MDN1: variants seen among roughly 807,000 people sequenced by gnomAD.
The protein encoded by MDN1 is midasin AAA ATPase 1.
MDN1 carries 266 observed loss-of-function variants against 669.2 expected under a neutral mutation model. The observed-to-expected ratio is 0.40, with a 90% CI of 0.36 to 0.44. The LOEUF is 0.44. Ranked by LOEUF, MDN1 falls within the 20% of genes least tolerant of loss-of-function variation. The pLI, the probability that MDN1 is intolerant of heterozygous loss-of-function variation, is 1.00. For missense variants in MDN1, 5,940 were observed against 6,754.0 expected, an observed-to-expected ratio of 0.88 and a Z score of 4.22; for synonymous variants, 2,385 against 2,457.1, an observed-to-expected ratio of 0.97 and a Z score of 0.87.
intron 84 of MDN1, among the ~76,000 whole-genome samples, chr6:89,665,671 C>T (rs182830506): frequency 8.6e-5 from 12 of 139,818 alleles, no homozygotes; most frequent in Admixed American, 3.0e-4. Context: ...CATACTACTG[C>T]GCTCTAGCCT....
chr6:89,702,096 A>G (rs1205334826), intron 53 of MDN1, 35 bp from the exon 54 acceptor site: 1 of 1,555,926 alleles, frequency 6.4e-7, no homozygotes, highest in East Asian at 2.3e-5. Flanking sequence ...GATGGCATGA[A>G]GAAAGACTAA....
At position 89,718,510 on chromosome 6, in the gene MDN1, A is replaced by G; in HGVS notation, c.6439T>C (p.Trp2147Arg). The G allele has an allele frequency of 6.2e-7, 1 of 1,614,184 alleles. No homozygotes were observed. The highest frequency in any genetic ancestry group is 8.5e-7 in the Non-Finnish European group (1 of 1,180,032). The change falls in exon 43 of 102, where the codon TGG becomes CGG. Residue 2147 changes from tryptophan (W) to arginine (R), a missense_variant. This residue lies in a region of MDN1 where 2,292 missense variants were observed against 2,638.3 expected (regional missense o/e 0.87). Coordinates refer to ENST00000369393, the MANE Select transcript of MDN1 (RefSeq NM_014611.3). ...TTATATGTCAGAAGAAAATGACTCC[A>G]GGCTCGCAGCACTACTTCTGCATCA... The part of the protein sequence containing the change: ...ADDAEVVLRA[W>R]SHFLLTYKPK...
Position 89,701,944 on chromosome 6 carries a change from C to A in MDN1, c.8266G>T (p.Val2756Phe). Residue 2756 changes from valine to phenylalanine, a missense_variant, in exon 54 of 102, where the codon GTC (valine) becomes TTC (phenylalanine). Coordinates refer to ENST00000369393, the MANE Select transcript of MDN1 (RefSeq NM_014611.3). ...LHWHWVLKHLVHQIPRLLMNY... is the reference protein window; with the variant it reads ...LHWHWVLKHLFHQIPRLLMNY... The stretch of plus-strand genomic sequence containing the variant: ...ATCAGAAGTCGGGGGATCTGGTGGA[C>A]CAGATGTTTTAAAACCCAGTGCCAA... 1 of 1,613,666 alleles carries A rather than the reference C, an allele frequency of 6.2e-7. No individual in the cohort carries two copies. The highest frequency in any genetic ancestry group is 8.5e-7 in the Non-Finnish European group (1 of 1,179,772).
Position 89,793,974 on chromosome 6 carries a change from C to T in MDN1, c.663-20G>A, listed in dbSNP as rs372152623. 2.5e-5 allele frequency: 40 copies of T among 1,584,658 alleles called. No individual in the cohort carries two copies. The highest frequency in any genetic ancestry group is 4.0e-5 in the African/African-American group (3 of 74,148). ...AATAACCTGAGAGAAAGGAGAGTCT[C>T]GTCAATTACCTTACCACTCAGAAAT... On this transcript the variant is annotated intron_variant, in intron 4 of 101. Coordinates refer to ENST00000369393, the MANE Select transcript of MDN1 (RefSeq NM_014611.3).
chr6:89,783,349 C>T (rs1020699092), intron 9 of MDN1, among the ~76,000 whole-genome samples: 24 of 152,242 alleles, frequency 1.6e-4, no homozygotes, highest in African/African-American at 4.8e-4. Context: ...CCGAGATACA[C>T]CCTGGTCTCC....
In MDN1 at chr6:89,670,954, C is replaced by G. The variant is rs201091505; in HGVS notation, c.13921G>C (p.Val4641Leu). ...THRSTAKLLS[V>L]LAQVFTELAQ... ...AGCTCTGTAAAGACCTGGGCAAGCA[C>G]AGAGAGCAGCTTTGCAGTACTACGG... Residue 4641 changes from valine to leucine, a missense_variant, in exon 83 of 102, where the codon GTG becomes CTG. By Grantham distance (32) the Val-to-Leu change is conservative. This residue lies in a region of MDN1 where 2,280 missense variants were observed against 2,576.3 expected (regional missense o/e 0.88). Transcript: ENST00000369393. The G allele has an allele frequency of 1.2e-5, 20 of 1,614,140 alleles. No homozygotes were observed. In the Admixed American group the frequency reaches 2.7e-4, roughly 22 times the overall value.
At chr6:89,756,583 C>T (rs1817257705) in intron 19 of MDN1, among the ~76,000 whole-genome samples, 193 bp from the exon 20 acceptor site, 1 of 152,160 alleles carries the variant, frequency 6.6e-6, no homozygotes, top group African/African-American at 2.4e-5. Flanking sequence ...ACCATTATTG[C>T]TTCTTCTATG....
intron 62 of MDN1, among the ~76,000 whole-genome samples, chr6:89,693,403 G>A (rs909592345): frequency 6.6e-6 from 1 of 152,140 alleles, no homozygotes; most frequent in Non-Finnish European, 1.5e-5. Flanking sequence ...ACTCACTGGA[G>A]TAGATAACTA....
intron 53 of MDN1, among the ~76,000 whole-genome samples, chr6:89,705,449 A>G (rs1026163303): frequency 6.6e-6 from 1 of 152,202 alleles, no homozygotes; most frequent in Non-Finnish European, 1.5e-5. Flanking sequence ...CACATGTGAC[A>G]ATAATGTCTA....
rs201300780 is a variant in MDN1, at chr6:89,722,973, G to A, written c.5949C>T (p.Thr1983=). 3.5e-5 allele frequency: 57 copies of A among 1,605,926 alleles called. No individual in the cohort carries two copies. Among genetic ancestry groups the A allele is most frequent in the Non-Finnish European group, 4.3e-5 (51 of 1,177,048 alleles). The change falls in exon 40 of 102, where the codon ACC becomes ACT. Residue 1983 remains threonine (T), a synonymous_variant. Coordinates refer to ENST00000369393, the MANE Select transcript of MDN1 (RefSeq NM_014611.3). ...VFLVYGERMR[T]EEDKKKVIAV... ...AACTCACCTTTTTTTTGTCCTCTTC[G>A]GTTCTCATTCTTTCACCATAGACCA...
intron 84 of MDN1, 33 bp from the exon 85 acceptor site, chr6:89,664,661 A>G: frequency 6.5e-7 from 1 of 1,545,112 alleles, no homozygotes; most frequent in African/African-American, 1.4e-5. Context: ...TAAATAAATG[A>G]AACTTTACCA....
chr6:89,781,301 A>G, intron 10 of MDN1, 98 bp downstream of exon 10: 1 of 1,247,758 alleles, frequency 8.0e-7, no homozygotes. Context: ...GAGTGAGCCA[A>G]AACTGCACCA....
At position 89,696,506 on chromosome 6, in the gene MDN1, T is replaced by C; in HGVS notation, c.9237A>G (p.Arg3079=). 6.2e-7 allele frequency: 1 copy of C among 1,614,184 alleles called. No homozygotes were observed. The highest frequency in any genetic ancestry group is 8.5e-7 in the Non-Finnish European group (1 of 1,180,020). The stretch of plus-strand genomic sequence containing the variant: ...GGCCACTCACATCCCAGGGACTTGC[T>C]CTCCAGCTGCTGGTTAAGACTTCAA... The part of the protein sequence containing the change: ...CCFEVLTSSW[R]ASPWDVSGLP... The change falls in exon 60 of 102, where the codon AGA becomes AGG. Residue 3079 remains arginine, a synonymous_variant. Coordinates refer to ENST00000369393, the MANE Select transcript of MDN1 (RefSeq NM_014611.3).
chr6:89,672,766 C>T, intron 80 of MDN1, 64 bp from the exon 81 acceptor site: 2 of 1,526,340 alleles, frequency 1.3e-6, no homozygotes, highest in Non-Finnish European at 1.8e-6. Flanking sequence ...TGCTTTAGTG[C>T]CTCTGGAAAT....
At chr6:89,793,701 C>T in intron 5 of MDN1, 61 bp downstream of exon 5, 4 of 1,404,232 alleles carry the variant, frequency 2.8e-6, no homozygotes. Flanking sequence ...CAGCCAAAGA[C>T]AGAGCACACT....
intron 83 of MDN1, among the ~76,000 whole-genome samples, chr6:89,669,746 C>T (rs911237079): frequency 2.6e-5 from 4 of 151,926 alleles, no homozygotes; most frequent in East Asian, 3.9e-4. Context: ...TAAGAGAGAC[C>T]GAGAGCTGGA....
At chr6:89,656,089 GAATTC>G (rs1809266263) in intron 91 of MDN1, 121 bp from the exon 92 acceptor site, 6 of 813,246 alleles carry the variant, frequency 7.4e-6, no homozygotes, top group Non-Finnish European at 1.1e-5. Flanking sequence ...TACAAGAATG[GAATTC>G]AATACAGCTA....
chr6:89,696,141 G>T, intron 60 of MDN1, 149 bp from the exon 61 acceptor site: 1 of 1,231,554 alleles, frequency 8.1e-7, no homozygotes, highest in East Asian at 2.4e-5. Flanking sequence ...GGTCTTATTT[G>T]GTTTACTAAG....
intron 2 of MDN1, among the ~76,000 whole-genome samples, chr6:89,795,379 A>C (rs1442174708): frequency 6.6e-6 from 1 of 152,094 alleles, no homozygotes; most frequent in Non-Finnish European, 1.5e-5. Context: ...GAGATGCTTA[A>C]GTTACACCTT....
Sources: gnomAD v4.1 joint callset for allele counts (sites outside exome capture counted in the v4.1 genomes callset) on GRCh38, gnomAD v4.1.1 for gene constraint, gnomAD v4.1.1 regional missense constraint, MANE v1.5 for transcripts, NCBI Gene and HGNC (gene_info 2026-07-23, HGNC 2026-07-21) for gene names.